Variants in ALDH1L1 observed in about 807,000 individuals in gnomAD.
ALDH1L1 encodes the protein cytosolic 10-formyltetrahydrofolate dehydrogenase.
Under a neutral mutation model 101.1 loss-of-function variants are expected in ALDH1L1, and 68 were observed. That is an observed-to-expected ratio of 0.67 (90% CI 0.55 to 0.82). The LOEUF (loss-of-function observed/expected upper bound fraction) is 0.82. Ranked by LOEUF, ALDH1L1 falls within the 40% of genes least tolerant of loss-of-function variation. ALDH1L1 has a pLI of 0.00. For synonymous variants in ALDH1L1, 486 were observed against 470.8 expected (o/e 1.03, Z -0.42); for missense variants, 1,087 against 1,172.7 (o/e 0.93, Z 1.07).
chr3:126,144,756 T>C (rs759511566), intron 9 of ALDH1L1, among the ~76,000 whole-genome samples: 1 of 152,190 alleles, frequency 6.6e-6, no homozygotes, highest in Non-Finnish European at 1.5e-5. Flanking sequence ...GAAGAAAGCA[T>C]AGGGGAAAGT....
rs899036490 is a variant in ALDH1L1, at chr3:126,158,658, G to T, written c.128-19C>A. 5 of 1,603,020 alleles carry T rather than the reference G, an allele frequency of 3.1e-6. No individual in the cohort carries two copies. Among genetic ancestry groups the T allele is most frequent in the African/African-American group, 1.3e-5 (1 of 74,700 alleles). ...TCCAGACCTGTGGGACGGTGGATAA[G>T]AAACTGGCCCCTCTCCATAACCCAC... On this transcript the variant is annotated intron_variant, in intron 2 of 22. Transcript: ENST00000393434.
At chr3:126,162,358 G>A (rs527751985) in intron 1 of ALDH1L1, among the ~76,000 whole-genome samples, 22 of 152,236 alleles carry the variant, frequency 1.4e-4, no homozygotes, top group Admixed American at 3.3e-4. Context: ...TCATTTTAGC[G>A]CTTTTCCTAA....
At chr3:126,194,829 T>C (rs890559184) in intron 1 of ALDH1L1, among the ~76,000 whole-genome samples, 2 of 152,168 alleles carry the variant, frequency 1.3e-5, no homozygotes, top group African/African-American at 4.8e-5. Flanking sequence ...ACCTTGCATG[T>C]AAAACTATTT....
chr3:126,116,859 G>A (rs891425957), intron 17 of ALDH1L1, among the ~76,000 whole-genome samples: 5 of 148,854 alleles, frequency 3.4e-5, no homozygotes, highest in Admixed American at 6.6e-5. Flanking sequence ...TGTGGCCCAG[G>A]TCATATTGTG....
intron 12 of ALDH1L1, among the ~76,000 whole-genome samples, chr3:126,132,100 C>T (rs566846558): frequency 6.6e-6 from 1 of 152,230 alleles, no homozygotes; most frequent in African/African-American, 2.4e-5. Flanking sequence ...CTGAGCATGC[C>T]GAGGTCGGGT....
chr3:126,155,414 C>T lies in ALDH1L1; in HGVS notation c.618G>A (p.Lys206=), dbSNP rs142131353. ...ACCCAGCACTCACCTTGGCTGTCTC[C>T]TTCTTCTGAATCCCCTCATAGGTGG... The part of the protein sequence containing the change: ...EGATYEGIQK[K]ETAKINWDQP... The change falls in exon 5 of 23, where the codon AAG becomes AAA. Residue 206 remains lysine, a synonymous_variant. Transcript: ENST00000393434. 5.0e-5 allele frequency: 81 copies of T among 1,612,876 alleles called. No homozygotes were observed. The African/African-American group carries it at 9.7e-4, about 19-fold the overall frequency.
intron 7 of ALDH1L1, 189 bp from the exon 8 acceptor site, chr3:126,150,720 T>A: frequency 1.8e-6 from 1 of 543,888 alleles, no homozygotes; most frequent in Non-Finnish European, 3.0e-6. Context: ...CATGCCCGAC[T>A]AATTTTTGTT....
At position 126,160,846 on chromosome 3, in the gene ALDH1L1, C is replaced by T. The variant is rs774282341; in HGVS notation, c.127+7G>A. 1.9e-6 allele frequency: 3 copies of T among 1,613,230 alleles called. No homozygotes were observed. The highest frequency in any genetic ancestry group is 1.3e-5 in the African/African-American group (1 of 74,946). On this transcript the variant is annotated splice_region_variant and intron_variant, in intron 2 of 22. Coordinates refer to ENST00000393434, the MANE Select transcript of ALDH1L1 (RefSeq NM_012190.4). ...CATCAGCTTCCCTGCTCCATTGGCT[C>T]ACTCACCCAGGGGGTCGGCCTTTCC...
At chr3:126,156,889 A>G (rs1437933690) in intron 4 of ALDH1L1, among the ~76,000 whole-genome samples, 1 of 152,262 alleles carries the variant, frequency 6.6e-6, no homozygotes, top group Admixed American at 6.5e-5. Context: ...ATCAAGAATT[A>G]GAATCCTTGA....
At chr3:126,173,254 T>A (rs945201956) in intron 1 of ALDH1L1, among the ~76,000 whole-genome samples, 9 of 152,192 alleles carry the variant, frequency 5.9e-5, no homozygotes, top group African/African-American at 1.9e-4. Context: ...ATGTATTCAG[T>A]GATTGTAGCT....
chr3:126,131,112 C>G (rs1385608650), intron 13 of ALDH1L1, among the ~76,000 whole-genome samples: 1 of 152,230 alleles, frequency 6.6e-6, no homozygotes, highest in Non-Finnish European at 1.5e-5. Context: ...CCGAACTCGT[C>G]TGGATGCAGG....
chr3:126,134,144 C>A (rs549809799), intron 12 of ALDH1L1, among the ~76,000 whole-genome samples: 2 of 152,208 alleles, frequency 1.3e-5, no homozygotes, highest in African/African-American at 2.4e-5. Flanking sequence ...TGAACTGCCC[C>A]CTCCGGGACA....
intron 22 of ALDH1L1, 90 bp downstream of exon 22, chr3:126,105,636 A>C (rs2108161801): frequency 6.9e-7 from 1 of 1,440,488 alleles, no homozygotes. Flanking sequence ...ACGTCCCTGC[A>C]TCTGAGATAG....
chr3:126,109,571 C>A (rs1946007695), intron 20 of ALDH1L1, among the ~76,000 whole-genome samples: 1 of 152,084 alleles, frequency 6.6e-6, no homozygotes, highest in Non-Finnish European at 1.5e-5. Flanking sequence ...GGCAGGGATG[C>A]ACCTGCATTG....
chr3:126,114,732 C>T (rs2079919131), intron 17 of ALDH1L1, 76 bp from the exon 18 acceptor site: 1 of 1,338,748 alleles, frequency 7.5e-7, no homozygotes, highest in Non-Finnish European at 1.1e-6. Flanking sequence ...GTGGCAGGGA[C>T]CTGGGTAGGC....
At chr3:126,114,021 AC>A (rs1416178460) in intron 18 of ALDH1L1, among the ~76,000 whole-genome samples, 1 of 152,158 alleles carries the variant, frequency 6.6e-6, no homozygotes, top group African/African-American at 2.4e-5. Context: ...CAGGCACTGC[AC>A]CCACGGCCAC....
chr3:126,188,531 C>T (rs2081534317), intron 1 of ALDH1L1, among the ~76,000 whole-genome samples: 1 of 152,164 alleles, frequency 6.6e-6, no homozygotes, highest in Non-Finnish European at 1.5e-5. Flanking sequence ...TCAGTAGCCT[C>T]CTGCAAATTT....
rs1576464252 is a variant in ALDH1L1, at chr3:126,153,185, CAGCCTGGAGATGGGTGCCT to C, written c.858+240_858+258del. On this transcript the variant is annotated intron_variant, in intron 7 of 22. Transcript: ENST00000393434. Reference sequence around the variant, plus strand: ...TTGCCTGACACCCACACAGGGCACTCAGCCTGGAGATGGGTGCCTAGCCAGGAAGGGTAGGGAGCCCAGC... The same window carrying C: ...TTGCCTGACACCCACACAGGGCACTCAGCCAGGAAGGGTAGGGAGCCCAGC... 5.7e-6 allele frequency: 3 copies of C among 526,840 alleles called. No individual in the cohort carries two copies. In the East Asian group the frequency reaches 1.1e-4, roughly 19 times the overall value. The allele number at this position is 526,840 out of a possible 1,614,324, so 32.6% of individuals were successfully genotyped here. A position where few individuals can be genotyped will look rare whatever the true frequency, so the allele number is the denominator to read the frequency against.
chr3:126,105,597 G>A (rs777621763), intron 22 of ALDH1L1, 129 bp downstream of exon 22: 24 of 1,093,114 alleles, frequency 2.2e-5, no homozygotes, highest in Non-Finnish European at 3.3e-5. Context: ...AGTAAGAAGC[G>A]AACCCTGACA....
Sources: allele counts gnomAD v4.1 joint callset (sites outside exome capture counted in the v4.1 genomes callset), GRCh38; gene constraint gnomAD v4.1.1; transcripts MANE v1.5; gene names NCBI Gene and HGNC (gene_info 2026-07-23, HGNC 2026-07-21).